LRRIQ1: variants seen among roughly 807,000 people sequenced by gnomAD.
LRRIQ1 encodes leucine rich repeats and IQ motif containing 1.
A neutral mutation model predicts 211.9 loss-of-function variants in LRRIQ1; 210 were observed. The observed-to-expected ratio is 0.99, with a 90% CI of 0.89 to 1.11. The LOEUF (loss-of-function observed/expected upper bound fraction) is 1.11, where lower values mean the gene tolerates loss of function less well. Among genes scored for constraint, LRRIQ1 ranks in the 50% most tolerant of loss-of-function variants. The probability of loss-of-function intolerance (pLI) is 0.00; values close to 1 mark genes in which losing one functional copy is unlikely to be tolerated. For missense variants in LRRIQ1, 2,136 were observed against 1,939.5 expected, an observed-to-expected ratio of 1.10 and a Z score of -1.90; for synonymous variants, 699 against 650.1, an observed-to-expected ratio of 1.08 and a Z score of -1.14.
At chr12:85,070,817 G>A (rs946996137) in intron 10 of LRRIQ1, among the ~76,000 whole-genome samples, 3 of 151,576 alleles carry the variant, frequency 2.0e-5, no homozygotes, top group African/African-American at 4.8e-5. Context: ...ATATAACCAC[G>A]TGCCATATCT....
intron 11 of LRRIQ1, among the ~76,000 whole-genome samples, chr12:85,074,565 A>C (rs1038021295): frequency 1.3e-5 from 2 of 151,868 alleles, no homozygotes; most frequent in African/African-American, 4.8e-5. Flanking sequence ...ATATATATAT[A>C]CATTAAGCAA....
chr12:85,271,211 G>A, the LRRIQ1 span, among the ~76,000 whole-genome samples: 2 of 152,140 alleles, frequency 1.3e-5, no homozygotes, highest in Admixed American at 6.5e-5. Context: ...TGGAAGCTTT[G>A]ATTTGAAAGA....
At chr12:85,064,412 C>A (rs987770837) in intron 8 of LRRIQ1, among the ~76,000 whole-genome samples, 1 of 151,538 alleles carries the variant, frequency 6.6e-6, no homozygotes, top group Non-Finnish European at 1.5e-5. Flanking sequence ...TTATATATTC[C>A]GGTTACTAAT....
At chr12:85,156,652 A>G (rs1890564225) in intron 23 of LRRIQ1, among the ~76,000 whole-genome samples, 1 of 151,874 alleles carries the variant, frequency 6.6e-6, no homozygotes, top group Non-Finnish European at 1.5e-5. Context: ...CAATGTTTTA[A>G]ATATCTAAAT....
chr12:85,176,821 T>A (rs987434159), intron 24 of LRRIQ1, among the ~76,000 whole-genome samples: 2 of 152,126 alleles, frequency 1.3e-5, no homozygotes, highest in African/African-American at 2.4e-5. Context: ...AACAATAACA[T>A]TATGCTTTGG....
chr12:85,253,457 T>C (rs1439247847), intron 1 of LRRIQ1, among the ~76,000 whole-genome samples: 1 of 152,074 alleles, frequency 6.6e-6, no homozygotes, highest in Non-Finnish European at 1.5e-5. Flanking sequence ...GACCAGCACC[T>C]GTTATTTAGA....
chr12:85,095,429 T>C (rs1376230258), intron 11 of LRRIQ1, among the ~76,000 whole-genome samples: 2 of 152,230 alleles, frequency 1.3e-5, no homozygotes, highest in African/African-American at 4.8e-5. Flanking sequence ...TTGATTTGCA[T>C]GTATTAAAAC....
chr12:85,184,987 A>G (rs1418296166), intron 24 of LRRIQ1, among the ~76,000 whole-genome samples: 1 of 151,962 alleles, frequency 6.6e-6, no homozygotes, highest in Non-Finnish European at 1.5e-5. Flanking sequence ...CACTTTTCAT[A>G]AGGATCATAT....
intron 26 of LRRIQ1, among the ~76,000 whole-genome samples, chr12:85,244,308 G>A (rs1895613163): frequency 6.6e-6 from 1 of 151,564 alleles, no homozygotes; most frequent in South Asian, 2.1e-4. Flanking sequence ...AGAAGGTAAA[G>A]ATGGTCTGTA....
chr12:85,139,891 A>C (rs2136567633), intron 19 of LRRIQ1, among the ~76,000 whole-genome samples: 2 of 151,502 alleles, frequency 1.3e-5, no homozygotes, highest in East Asian at 1.9e-4. Context: ...GGGTAGTATA[A>C]TTGTAAAATC....
At chr12:85,211,530 A>C (rs945566507) in intron 24 of LRRIQ1, among the ~76,000 whole-genome samples, 1 of 152,190 alleles carries the variant, frequency 6.6e-6, no homozygotes, top group Non-Finnish European at 1.5e-5. Context: ...TATGTAGCAG[A>C]GAGAGAGAAA....
intron 19 of LRRIQ1, among the ~76,000 whole-genome samples, 154 bp from the exon 20 acceptor site, chr12:85,152,126 A>G (rs1170860498): frequency 6.6e-6 from 1 of 151,812 alleles, no homozygotes; most frequent in Non-Finnish European, 1.5e-5. Flanking sequence ...CATTAAACAG[A>G]TGAATATCAT....
downstream of LRRIQ1, among the ~76,000 whole-genome samples, chr12:85,248,964 G>A (rs1895818176): frequency 6.6e-6 from 1 of 151,700 alleles, no homozygotes; most frequent in Admixed American, 6.6e-5. Context: ...AAGTAAAGTA[G>A]AAGACTTGAA....
intron 24 of LRRIQ1, among the ~76,000 whole-genome samples, chr12:85,174,590 T>C (rs1393251297): frequency 1.4e-5 from 2 of 147,884 alleles, no homozygotes; most frequent in African/African-American, 5.0e-5. Flanking sequence ...TAGTCCCAGC[T>C]ACTTGGGACG....
chr12:85,048,216 T>G (rs1279296303), intron 6 of LRRIQ1: 1 of 152,286 alleles, frequency 6.6e-6, no homozygotes, highest in Non-Finnish European at 1.5e-5. Context: ...GTTCAACATT[T>G]TTTAATCCTC....
intron 23 of LRRIQ1, among the ~76,000 whole-genome samples, chr12:85,157,248 C>A (rs1890602450): frequency 6.6e-6 from 1 of 151,766 alleles, no homozygotes; most frequent in South Asian, 2.1e-4. Flanking sequence ...GTATCGATGA[C>A]TTCTATTGGT....
intron 1 of LRRIQ1, among the ~76,000 whole-genome samples, chr12:85,256,799 A>G (rs952301866): frequency 6.6e-6 from 1 of 151,066 alleles, no homozygotes; most frequent in African/African-American, 2.4e-5. Flanking sequence ...TTGAATGAAT[A>G]TGTAAATAGA....
intron 24 of LRRIQ1, among the ~76,000 whole-genome samples, chr12:85,206,858 A>C (rs1385663411): frequency 2.6e-5 from 4 of 152,106 alleles, no homozygotes; most frequent in Non-Finnish European, 5.9e-5. Context: ...CTCATCTCAC[A>C]GGCAAGATTG....
rs1349753611 is a variant in LRRIQ1, at chr12:85,130,182, T to C, written c.4209+2149T>C. ...AATCAAGGTATCCAGTATTTCCATT[T>C]ACTTAATTTGTCTATACTGTACTCC... On this transcript the variant is annotated intron_variant, in intron 18 of 26. Coordinates refer to ENST00000393217, the MANE Select transcript of LRRIQ1 (RefSeq NM_001079910.2). Among the ~76,000 whole-genome samples, 14 of 152,240 alleles carry C rather than the reference T, an allele frequency of 9.2e-5. 1 individual carries two copies. The highest frequency in any genetic ancestry group is 2.1e-4 in the Non-Finnish European group (14 of 68,044).
Sources: allele counts gnomAD v4.1 joint callset (sites outside exome capture counted in the v4.1 genomes callset), GRCh38; gene constraint gnomAD v4.1.1; transcripts MANE v1.5; gene names NCBI Gene and HGNC (gene_info 2026-07-23, HGNC 2026-07-21).